The following VMP1 variants were observed in gnomAD, a reference collection of about 807,000 sequenced individuals.
The protein encoded by VMP1 is vacuole membrane protein 1.
A neutral mutation model predicts 56.0 loss-of-function variants in VMP1; 11 were observed. The ratio of observed to expected loss-of-function variants is 0.20; its 90% confidence interval spans 0.12 to 0.32. VMP1 has a LOEUF of 0.32. Among genes scored for constraint, VMP1 ranks in the 10% least tolerant of loss-of-function variants. VMP1 has a pLI of 1.00. For missense variants in VMP1, 296 were observed against 490.3 expected (o/e 0.60, Z 3.74); for synonymous variants, 149 against 165.0 (o/e 0.90, Z 0.74).
At chr17:59,750,795 A>T (rs1376586399) in intron 5 of VMP1, among the ~76,000 whole-genome samples, 1 of 152,096 alleles carries the variant, frequency 6.6e-6, no homozygotes, top group East Asian at 1.9e-4. Flanking sequence ...TTCATTTGAT[A>T]TCTACCTTGA....
Position 59,841,543 on chromosome 17 carries a change from T to A in VMP1, c.*1632T>A, listed in dbSNP as rs1439201598. On this transcript the variant is annotated 3_prime_UTR_variant, in exon 12 of 12. Coordinates refer to ENST00000262291, the MANE Select transcript of VMP1 (RefSeq NM_030938.5). Reference sequence around the variant, plus strand: ...ACAAATAAATAAAGGAAAACTAAGCTGCATTGTGGGTTTTGAAAAGGTTAT... The same window carrying A: ...ACAAATAAATAAAGGAAAACTAAGCAGCATTGTGGGTTTTGAAAAGGTTAT... 5 of 212,354 alleles carry A rather than the reference T, an allele frequency of 2.4e-5. No homozygotes were observed. The East Asian group carries it at 5.0e-4, about 21-fold the overall frequency. 13.2% of individuals were successfully genotyped at this position (212,354 alleles called of 1,614,324 possible).
chr17:59,814,599 G>A (rs777913820), intron 9 of VMP1, among the ~76,000 whole-genome samples: 2 of 152,122 alleles, frequency 1.3e-5, no homozygotes, highest in African/African-American at 4.8e-5. Flanking sequence ...TTATCTCATG[G>A]CAGACAATCT....
chr17:59,819,532 C>T (rs1385114105), intron 10 of VMP1, among the ~76,000 whole-genome samples: 1 of 152,210 alleles, frequency 6.6e-6, no homozygotes, highest in Admixed American at 6.5e-5. Flanking sequence ...CAGCTCACTA[C>T]AACCTCCGCC....
rs182161633 is a variant in VMP1, at chr17:59,742,917, T to C, written c.414+3970T>C. ...TGCCTGATAATCTGAGGTGGAACAG[T>C]TTCATCCCAAAACCATCCCCCACCT... On this transcript the variant is annotated intron_variant, in intron 5 of 11. Coordinates refer to ENST00000262291, the MANE Select transcript of VMP1 (RefSeq NM_030938.5). 7.9e-5 allele frequency among the ~76,000 whole-genome samples: 12 copies of C among 152,134 alleles called. No individual in the cohort carries two copies. The East Asian group carries it at 2.3e-3, about 29-fold the overall frequency.
At chr17:59,815,855 CAAAA>C (rs71145576) in intron 9 of VMP1, among the ~76,000 whole-genome samples, 2 of 106,374 alleles carry the variant, frequency 1.9e-5, no homozygotes, top group Admixed American at 1.1e-4. Flanking sequence ...GACTCCGTCT[CAAAA>C]AAAAAAAAAA....
intron 11 of VMP1, chr17:59,839,521 C>A (rs1289664362): frequency 3.4e-5 from 16 of 464,366 alleles, no homozygotes; most frequent in South Asian, 6.7e-5. Context: ...AAGAGCTAAC[C>A]TCACACTCAT....
intron 1 of VMP1, among the ~76,000 whole-genome samples, chr17:59,724,670 T>C (rs938287334): frequency 2.7e-5 from 4 of 150,344 alleles, no homozygotes; most frequent in Admixed American, 6.6e-5. Flanking sequence ...AAACTTTGTC[T>C]CAAAAATAAT....
At chr17:59,768,321 G>T (rs112519558) in intron 6 of VMP1, among the ~76,000 whole-genome samples, 40 of 152,160 alleles carry the variant, frequency 2.6e-4, no homozygotes, top group African/African-American at 9.6e-4. Context: ...TGGTGCTGGG[G>T]ACTGGGTGTA....
chr17:59,796,301 C>T lies in VMP1; in HGVS notation c.715-12495C>T, dbSNP rs559189956. Among the ~76,000 whole-genome samples the T allele has an allele frequency of 1.8e-4, 27 of 152,282 alleles. No individual in the cohort carries two copies. In the East Asian group the frequency reaches 5.0e-3, roughly 28 times the overall value. On this transcript the variant is annotated intron_variant, in intron 7 of 11. Coordinates refer to ENST00000262291, the MANE Select transcript of VMP1 (RefSeq NM_030938.5). ...CTGTCCTATTTAGTTTTCATCTCCT[C>T]CCACTAGAATATAAACTCCATGAGG...
At chr17:59,832,262 A>G (rs1568230433) in intron 10 of VMP1, among the ~76,000 whole-genome samples, 1 of 139,542 alleles carries the variant, frequency 7.2e-6, no homozygotes, top group Non-Finnish European at 1.5e-5. Context: ...ACCCAGGTTC[A>G]AGCAATTCTC....
chr17:59,807,273 C>T (rs1425941035), intron 7 of VMP1, among the ~76,000 whole-genome samples: 1 of 151,130 alleles, frequency 6.6e-6, no homozygotes, highest in Non-Finnish European at 1.5e-5. Context: ...TTTCAGCTCA[C>T]TGCAAACTCT....
intron 7 of VMP1, among the ~76,000 whole-genome samples, chr17:59,780,800 C>T (rs1420590713): frequency 6.6e-6 from 1 of 152,106 alleles, no homozygotes; most frequent in Non-Finnish European, 1.5e-5. Flanking sequence ...GTTGGCCAGG[C>T]TGGTCTCGAA....
At chr17:59,751,019 G>A (rs1046193102) in intron 5 of VMP1, among the ~76,000 whole-genome samples, 4 of 126,418 alleles carry the variant, frequency 3.2e-5, no homozygotes, top group Admixed American at 2.0e-4. Context: ...TGCAAACCCC[G>A]CCTCCTGGGT....
chr17:59,838,100 CTT>C (rs371074488), intron 10 of VMP1, 193 bp from the exon 11 acceptor site: 7,280 of 129,114 alleles, frequency 0.056, 395 homozygotes, highest in African/African-American at 0.19. Flanking sequence ...AGTAAATTTT[CTT>C]TTTTTTTTTT....
chr17:59,782,065 C>T (rs1055033150), intron 7 of VMP1, among the ~76,000 whole-genome samples: 3 of 152,078 alleles, frequency 2.0e-5, no homozygotes, highest in Non-Finnish European at 2.9e-5. Context: ...CATGTCACCA[C>T]GCCCAGCTAA....
At chr17:59,709,522 G>C (rs1213795422) in intron 1 of VMP1, among the ~76,000 whole-genome samples, 1 of 152,186 alleles carries the variant, frequency 6.6e-6, no homozygotes, top group East Asian at 1.9e-4. Context: ...AAATGAGCTA[G>C]TAAACATGAA....
In VMP1 at chr17:59,795,660, TA is replaced by T. The variant is rs1213663386; in HGVS notation, c.715-13131del. 2.0e-5 allele frequency among the ~76,000 whole-genome samples: 3 copies of T among 151,712 alleles called. No homozygotes were observed. In the South Asian group the frequency reaches 6.2e-4, roughly 32 times the overall value. ...TCCTCTCTCTACCATTTAAAAATTATAAAAATAAAAAATAATAATAAAATTT... is the reference window on the plus strand; with the variant it reads ...TCCTCTCTCTACCATTTAAAAATTATAAAATAAAAAATAATAATAAAATTT... On this transcript the variant is annotated intron_variant, in intron 7 of 11. Transcript: ENST00000262291.
At chr17:59,807,052 T>C (rs2037865484) in intron 7 of VMP1, among the ~76,000 whole-genome samples, 1 of 152,184 alleles carries the variant, frequency 6.6e-6, no homozygotes, top group African/African-American at 2.4e-5. Flanking sequence ...CTACACAATA[T>C]TATTTGTCAA....
chr17:59,764,395 C>G (rs2036162099), intron 5 of VMP1, among the ~76,000 whole-genome samples: 1 of 152,088 alleles, frequency 6.6e-6, no homozygotes, highest in Non-Finnish European at 1.5e-5. Flanking sequence ...GTGGCACAAT[C>G]ATAGCCCACT....
Sources: gnomAD v4.1 joint callset for allele counts (sites outside exome capture counted in the v4.1 genomes callset) on GRCh38, gnomAD v4.1.1 for gene constraint, MANE v1.5 for transcripts, NCBI Gene and HGNC (gene_info 2026-07-23, HGNC 2026-07-21) for gene names.